PCGF3: variants seen among roughly 807,000 people sequenced by gnomAD.
PCGF3 encodes the protein polycomb group ring finger 3.
A neutral mutation model predicts 33.1 loss-of-function variants in PCGF3; 7 were observed. That is an observed-to-expected ratio of 0.21 (90% CI 0.12 to 0.40). The LOEUF (loss-of-function observed/expected upper bound fraction) is 0.40, where lower values mean the gene tolerates loss of function less well. Ranked by LOEUF, PCGF3 falls within the 10% of genes least tolerant of loss-of-function variation. The probability of loss-of-function intolerance (pLI) is 1.00; values close to 1 mark genes in which losing one functional copy is unlikely to be tolerated. For synonymous variants in PCGF3, 153 were observed against 121.3 expected, an observed-to-expected ratio of 1.26 and a Z score of -1.72; for missense variants, 211 against 313.3, an observed-to-expected ratio of 0.67 and a Z score of 2.46.
chr4:740,225 C>T (rs932346554), intron 6 of PCGF3, among the ~76,000 whole-genome samples: 1 of 152,260 alleles, frequency 6.6e-6, no homozygotes. Context: ...GAGACGCCAA[C>T]ACGGTCCTGC....
intron 1 of PCGF3, among the ~76,000 whole-genome samples, chr4:726,069 G>A (rs1008663995): frequency 1.3e-5 from 2 of 152,204 alleles, no homozygotes; most frequent in African/African-American, 2.4e-5. Context: ...AGCCGCGGGC[G>A]GGATGGGCTG....
At chr4:747,762 G>T (rs1194793060) in intron 8 of PCGF3, among the ~76,000 whole-genome samples, 1 of 152,294 alleles carries the variant, frequency 6.6e-6, no homozygotes, top group East Asian at 1.9e-4. Flanking sequence ...CTGTAATAGT[G>T]CAGTCCTGGG....
chr4:709,186 A>G (rs186717960), intron 1 of PCGF3, among the ~76,000 whole-genome samples: 9 of 152,356 alleles, frequency 5.9e-5, no homozygotes, highest in African/African-American at 1.9e-4. Context: ...TGTGCCGTAC[A>G]TTCCCCAAAA....
chr4:727,139 T>G (rs1743363652), intron 1 of PCGF3, among the ~76,000 whole-genome samples: 1 of 151,760 alleles, frequency 6.6e-6, no homozygotes, highest in Non-Finnish European at 1.5e-5. Context: ...ATGGACTAAC[T>G]AGGTGGTTGT....
chr4:761,629 T>G, intron 9 of PCGF3: 1 of 977,946 alleles, frequency 1.0e-6, no homozygotes, highest in Non-Finnish European at 1.2e-6. Flanking sequence ...GGAATGCTAC[T>G]GTGAGTGGAA....
intron 8 of PCGF3, among the ~76,000 whole-genome samples, chr4:747,728 C>T (rs984784641): frequency 5.9e-5 from 9 of 152,096 alleles, no homozygotes; most frequent in African/African-American, 7.2e-5. Flanking sequence ...CCCGGGCCTC[C>T]GGGACACTCC....
chr4:713,127 G>A (rs1742646665), intron 1 of PCGF3, among the ~76,000 whole-genome samples: 1 of 151,660 alleles, frequency 6.6e-6, no homozygotes, highest in Non-Finnish European at 1.5e-5. Context: ...GGTGGGGGCT[G>A]TGGCCTCGTG....
intron 1 of PCGF3, among the ~76,000 whole-genome samples, chr4:710,998 G>A (rs1441311641): frequency 6.6e-6 from 1 of 152,250 alleles, no homozygotes; most frequent in Non-Finnish European, 1.5e-5. Context: ...TGCCGTAGGA[G>A]ACGTGAGACC....
chr4:726,635 C>A (rs1462805342), intron 1 of PCGF3, among the ~76,000 whole-genome samples: 1 of 152,156 alleles, frequency 6.6e-6, no homozygotes, highest in Non-Finnish European at 1.5e-5. Context: ...TAGCAACCTC[C>A]AAAGGTTCAC....
At position 734,916 on chromosome 4, in the gene PCGF3, G is replaced by GT. The variant is rs1743765191; in HGVS notation, c.110-14dup. The GT allele has an allele frequency of 1.2e-6, 2 of 1,612,052 alleles. No individual in the cohort carries two copies. The highest frequency in any genetic ancestry group is 2.7e-5 in the African/African-American group (2 of 74,922). ...CTCTAGACGCTCTCCTAACACACCTGTGCTTTGATGACAGTCTGCAGGAGC... is the reference window on the plus strand; with the variant it reads ...CTCTAGACGCTCTCCTAACACACCTGTTGCTTTGATGACAGTCTGCAGGAGC... On this transcript the variant is annotated splice_polypyrimidine_tract_variant and intron_variant, in intron 4 of 10. Transcript: ENST00000362003.
intron 4 of PCGF3, 36 bp downstream of exon 4, chr4:733,825 G>A (rs769704810): frequency 8.1e-6 from 13 of 1,613,420 alleles, no homozygotes; most frequent in East Asian, 2.2e-5. Context: ...GGGAGGGCGC[G>A]CCCTTCCCAG....
chr4:761,586 A>T, intron 9 of PCGF3, 170 bp downstream of exon 9: 2 of 898,610 alleles, frequency 2.2e-6, no homozygotes, highest in Non-Finnish European at 2.7e-6. Context: ...AGACAGCCCT[A>T]AGGGTTGTAG....
chr4:768,751 A>G (rs890835259), exon 11 of PCGF3: 6 of 152,576 alleles, frequency 3.9e-5, no homozygotes, highest in Non-Finnish European at 7.3e-5. Flanking sequence ...TTCCCATCCA[A>G]TTGTTTGGTT....
At chr4:734,258 C>CTTA in intron 4 of PCGF3, 2 of 1,474,512 alleles carry the variant, frequency 1.4e-6, no homozygotes, top group Non-Finnish European at 1.8e-6. Context: ...CTACCGCTGA[C>CTTA]GGGCAGGTGC....
chr4:757,922 A>C (rs1317572618), intron 8 of PCGF3, among the ~76,000 whole-genome samples: 1 of 152,052 alleles, frequency 6.6e-6, no homozygotes, highest in Non-Finnish European at 1.5e-5. Flanking sequence ...TAATCCTAGC[A>C]CTTTGGGAAG....
At chr4:738,475 C>G (rs991511440) in intron 6 of PCGF3, among the ~76,000 whole-genome samples, 3 of 152,148 alleles carry the variant, frequency 2.0e-5, no homozygotes, top group African/African-American at 4.8e-5. Context: ...ACGTTTGCAC[C>G]GAGTGTTTCA....
Position 731,012 on chromosome 4 carries a change from G to A in PCGF3, c.-108G>A, listed in dbSNP as rs1165705669. 2.5e-5 allele frequency: 10 copies of A among 398,478 alleles called. 1 individual carries two copies. The Admixed American group carries it at 3.5e-4, about 14-fold the overall frequency. 24.7% of individuals were successfully genotyped at this position (398,478 alleles called of 1,614,324 possible). On this transcript the variant is annotated 5_prime_UTR_variant, in exon 3 of 11. Coordinates refer to ENST00000362003, the Ensembl canonical transcript of PCGF3. ...AGGGCCGGAAGGAGGGTGCAGAAGC[G>A]AGTCCGCGTGCGGAGCCAGGAGGCA...
intron 9 of PCGF3, chr4:764,530 T>G (rs1440016727): frequency 6.4e-6 from 1 of 155,528 alleles, no homozygotes; most frequent in East Asian, 1.9e-4. Flanking sequence ...TCCGGAGCTG[T>G]CAGGGCTGCT....
chr4:744,709 G>T (rs1289380175), intron 8 of PCGF3, 21 bp downstream of exon 8: 9 of 1,402,946 alleles, frequency 6.4e-6, no homozygotes, highest in African/African-American at 2.9e-5. Context: ...CCCGGGGGTC[G>T]CTGCAGTGTT....
Sources: allele counts gnomAD v4.1 joint callset (sites outside exome capture counted in the v4.1 genomes callset), GRCh38; gene constraint gnomAD v4.1.1; transcripts MANE v1.5; gene names NCBI Gene and HGNC (gene_info 2026-07-23, HGNC 2026-07-21).